CELF2: variants seen among roughly 807,000 people sequenced by gnomAD.
CELF2 encodes CUG triplet repeat RNA-binding protein 2.
Under a neutral mutation model 62.6 loss-of-function variants are expected in CELF2, and 8 were observed. The ratio of observed to expected loss-of-function variants is 0.13; its 90% CI spans 0.07 to 0.23. The LOEUF is 0.23. CELF2 is among the 10% of genes least tolerant of loss of function. The probability of loss-of-function intolerance (pLI) is 1.00; values close to 1 mark genes in which losing one functional copy is unlikely to be tolerated. For synonymous variants in CELF2, 258 were observed against 250.0 expected (o/e 1.03, Z -0.30); for missense variants, 333 against 671.0 (o/e 0.50, Z 5.56).
chr10:11,205,812 A>G (rs1233797764), intron 2 of CELF2, among the ~76,000 whole-genome samples: 1 of 152,208 alleles, frequency 6.6e-6, no homozygotes, highest in Non-Finnish European at 1.5e-5. Flanking sequence ...CGACTCAGCT[A>G]TTGCCGGAGT....
chr10:11,153,248 T>C (rs1302565572), intron 1 of CELF2, among the ~76,000 whole-genome samples: 4 of 152,186 alleles, frequency 2.6e-5, no homozygotes, highest in Non-Finnish European at 4.4e-5. Context: ...TTGAATATTC[T>C]CTTCCAGGTA....
Position 10,843,568 on chromosome 10 carries a change from G to T in CELF2, c.53+44751G>T, listed in dbSNP as rs141790331. Reference sequence around the variant, plus strand: ...GTCTATATTTGTCAAAATTTTTGAGGTGTGTTTTATGGCTCATAATGGGAT... The same window carrying T: ...GTCTATATTTGTCAAAATTTTTGAGTTGTGTTTTATGGCTCATAATGGGAT... On this transcript the variant is annotated intron_variant, in intron 1 of 13. Coordinates refer to the CELF2 transcript ENST00000636488. Among the ~76,000 whole-genome samples the T allele has an allele frequency of 6.4e-3, 971 of 152,026 alleles. 7 individuals carry two copies. Among genetic ancestry groups the T allele is most frequent in the African/African-American group, 0.022 (930 of 41,492 alleles).
chr10:11,076,348 G>A (rs2071923012), intron 1 of CELF2, among the ~76,000 whole-genome samples: 2 of 152,188 alleles, frequency 1.3e-5, no homozygotes, highest in South Asian at 4.1e-4. Context: ...AGAGTAAAAA[G>A]AAAAGGCAGT....
At chr10:10,741,760 A>G in the CELF2 span, among the ~76,000 whole-genome samples, 1 of 152,244 alleles carries the variant, frequency 6.6e-6, no homozygotes, top group Admixed American at 6.5e-5. Context: ...CCACTTAGAA[A>G]GTTACTATTT....
At chr10:11,262,717 G>A (rs765328006) in intron 5 of CELF2, among the ~76,000 whole-genome samples, 3 of 152,266 alleles carry the variant, frequency 2.0e-5, no homozygotes, top group East Asian at 1.9e-4. Flanking sequence ...TATGTTTAAC[G>A]TTGCTACTGC....
At chr10:10,477,937 T>A in the CELF2 span, among the ~76,000 whole-genome samples, 3 of 152,200 alleles carry the variant, frequency 2.0e-5, no homozygotes, top group Non-Finnish European at 4.4e-5. Flanking sequence ...TTATTATTTC[T>A]GTCCTCAGAA....
intron 1 of CELF2, among the ~76,000 whole-genome samples, chr10:10,804,391 A>G (rs577697399): frequency 6.6e-6 from 1 of 152,376 alleles, no homozygotes; most frequent in South Asian, 2.1e-4. Context: ...TCCATGATCT[A>G]GACTAATGAT....
chr10:11,022,552 C>T (rs1051557489), intron 1 of CELF2, among the ~76,000 whole-genome samples: 9 of 151,802 alleles, frequency 5.9e-5, no homozygotes, highest in African/African-American at 1.7e-4. Context: ...TTTTTCTCCC[C>T]TGACAGCTAC....
chr10:11,173,748 A>T (rs2069857958), intron 2 of CELF2, among the ~76,000 whole-genome samples: 1 of 152,216 alleles, frequency 6.6e-6, no homozygotes, highest in African/African-American at 2.4e-5. Context: ...TTACGAGAAC[A>T]GCTCACAGGC....
chr10:11,171,433 C>T (rs1018353058), intron 2 of CELF2: 1 of 152,492 alleles, frequency 6.6e-6, no homozygotes, highest in Non-Finnish European at 1.5e-5. Context: ...TTCAGGAAGT[C>T]GTTAGTAAAA....
chr10:10,707,774 T>A, the CELF2 span, among the ~76,000 whole-genome samples: 2 of 152,142 alleles, frequency 1.3e-5, no homozygotes, highest in African/African-American at 2.4e-5. Context: ...GTGCCTGAGA[T>A]CCTATAAACT....
chr10:10,914,130 TTA>T (rs779660460), intron 1 of CELF2, among the ~76,000 whole-genome samples: 1,693 of 74,434 alleles, frequency 0.023, 4 homozygotes, highest in Non-Finnish European at 0.032. Flanking sequence ...TTACCTTTTT[TTA>T]AAAAAAAAAA....
intron 1 of CELF2, among the ~76,000 whole-genome samples, chr10:11,026,871 C>T (rs1048792762): frequency 1.3e-5 from 2 of 152,132 alleles, no homozygotes; most frequent in African/African-American, 2.4e-5. Flanking sequence ...CTTGTTTCTG[C>T]GCATTGAACT....
At chr10:10,498,344 G>T in the CELF2 span, among the ~76,000 whole-genome samples, 1 of 152,376 alleles carries the variant, frequency 6.6e-6, no homozygotes, top group Non-Finnish European at 1.5e-5. Flanking sequence ...GAGGAGGAAA[G>T]TTGTTCAAGG....
rs924954636 is a variant in CELF2, at chr10:10,799,556, G to A, written c.53+739G>A. Among the ~76,000 whole-genome samples the A allele has an allele frequency of 5.3e-4, 81 of 152,116 alleles. 1 individual carries two copies. Among genetic ancestry groups the A allele is most frequent in the Middle Eastern group, 3.4e-3 (1 of 294 alleles). On this transcript the variant is annotated intron_variant, in intron 1 of 13. Transcript: ENST00000636488. ...AAAGCCTTATTAGGGCCCTTGAAGG[G>A]TCAAGGGAAACTTGGTTTCCTCCTC...
At chr10:10,852,102 C>G (rs1426857358) in intron 1 of CELF2, among the ~76,000 whole-genome samples, 1 of 152,158 alleles carries the variant, frequency 6.6e-6, no homozygotes, top group Non-Finnish European at 1.5e-5. Context: ...TCCTTGGTGT[C>G]TACTCAAGAC....
intron 1 of CELF2, among the ~76,000 whole-genome samples, chr10:11,064,522 A>G (rs149949309): frequency 1.0e-3 from 156 of 152,352 alleles, no homozygotes; most frequent in African/African-American, 3.6e-3. Flanking sequence ...GGAAGAAGTA[A>G]TAGCTAAGCA....
the CELF2 span, among the ~76,000 whole-genome samples, chr10:10,519,899 C>A: frequency 6.6e-6 from 1 of 152,192 alleles, no homozygotes; most frequent in Non-Finnish European, 1.5e-5. Context: ...AGAAATCCTT[C>A]TGTTTAGATG....
chr10:11,273,792 G>C (rs1248705682), intron 7 of CELF2, among the ~76,000 whole-genome samples: 1 of 151,170 alleles, frequency 6.6e-6, no homozygotes, highest in Non-Finnish European at 1.5e-5. Flanking sequence ...CACCATCTCT[G>C]CTCACTGCAG....
Sources: gnomAD v4.1 joint callset for allele counts (sites outside exome capture counted in the v4.1 genomes callset) on GRCh38, gnomAD v4.1.1 for gene constraint, MANE v1.5 for transcripts, NCBI Gene and HGNC (gene_info 2026-07-23, HGNC 2026-07-21) for gene names.